RMC1: variants seen among roughly 807,000 people sequenced by gnomAD.
RMC1 encodes the protein regulator of MON1-CCZ1.
A neutral mutation model predicts 95.5 loss-of-function variants in RMC1; 44 were observed. The observed-to-expected ratio is 0.46, with a 90% confidence interval of 0.36 to 0.59. The LOEUF (loss-of-function observed/expected upper bound fraction) is 0.59. Ranked by LOEUF, RMC1 falls within the 20% of genes least tolerant of loss-of-function variation. RMC1 has a pLI of 0.00. For synonymous variants in RMC1, 320 were observed against 303.6 expected (o/e 1.05, Z -0.56); for missense variants, 705 against 819.6 (o/e 0.86, Z 1.71).
intron 11 of RMC1, 100 bp from the exon 12 acceptor site, chr18:23,524,329 G>T: frequency 6.7e-7 from 1 of 1,500,406 alleles, no homozygotes. Flanking sequence ...CGCGTTTAGC[G>T]TGGACTCAGT....
chr18:23,509,060 T>A, intron 4 of RMC1, 133 bp from the exon 5 acceptor site: 2 of 354,682 alleles, frequency 5.6e-6, no homozygotes. Flanking sequence ...AGAAAATTTG[T>A]TTTGTTAATT....
At chr18:23,523,580 T>G (rs1470760287) in intron 10 of RMC1, among the ~76,000 whole-genome samples, 1 of 135,778 alleles carries the variant, frequency 7.4e-6, no homozygotes. Context: ...GAAAAAAAGT[T>G]AGGGCATGGT....
At chr18:23,505,026 C>G (rs2057677968) in intron 2 of RMC1, among the ~76,000 whole-genome samples, 1 of 152,120 alleles carries the variant, frequency 6.6e-6, no homozygotes, top group Non-Finnish European at 1.5e-5. Flanking sequence ...TCAGTAGTGA[C>G]TTAAAAAATT....
At chr18:23,515,787 C>T in intron 5 of RMC1, 69 bp from the exon 6 acceptor site, 2 of 1,586,440 alleles carry the variant, frequency 1.3e-6, no homozygotes, top group South Asian at 2.2e-5. Flanking sequence ...CCCACCTTAG[C>T]CTCCCAAAGT....
At chr18:23,524,014 C>A in intron 10 of RMC1, 116 bp from the exon 11 acceptor site, 1 of 1,167,144 alleles carries the variant, frequency 8.6e-7, no homozygotes. Flanking sequence ...TCCTTGACTA[C>A]AATTGAATAA....
chr18:23,523,972 G>A (rs532625316), intron 10 of RMC1, among the ~76,000 whole-genome samples, 158 bp from the exon 11 acceptor site: 2 of 152,204 alleles, frequency 1.3e-5, no homozygotes, highest in African/African-American at 2.4e-5. Flanking sequence ...CTCCCCGTAC[G>A]TGCTTTCAGT....
Position 23,527,729 on chromosome 18 carries a change from C to T in RMC1, c.1190-66C>T, listed in dbSNP as rs551044428. 8.1e-6 allele frequency: 10 copies of T among 1,239,746 alleles called. 1 individual carries two copies. The highest frequency in any genetic ancestry group is 4.8e-5 in the South Asian group (4 of 83,618). The allele number at this position is 1,239,746 out of a possible 1,614,324, so 76.8% of individuals were successfully genotyped here. A position where few individuals can be genotyped will look rare whatever the true frequency, so the allele number is the denominator to read the frequency against. On this transcript the variant is annotated intron_variant, in intron 13 of 19. Coordinates refer to ENST00000269221, the MANE Select transcript of RMC1 (RefSeq NM_013326.5). ...TTGAGATTAGTTTTTATCATAGCAA[C>T]GTGTGGAAATTCTGAAGCTGACATG...
At chr18:23,522,352 A>G (rs2058164429) in intron 10 of RMC1, 1 of 152,150 alleles carries the variant, frequency 6.6e-6, no homozygotes, top group East Asian at 1.9e-4. Flanking sequence ...GAATTGGGGG[A>G]AAAAAACTAA....
chr18:23,516,188 A>G, intron 6 of RMC1, 132 bp from the exon 7 acceptor site: 4 of 1,319,386 alleles, frequency 3.0e-6, no homozygotes, highest in Non-Finnish European at 4.3e-6. Context: ...ACAGGCTGTG[A>G]GAGGACATGG....
At chr18:23,514,007 ACCTG>A (rs1315709049) in intron 5 of RMC1, among the ~76,000 whole-genome samples, 1 of 152,106 alleles carries the variant, frequency 6.6e-6, no homozygotes, top group African/African-American at 2.4e-5. Flanking sequence ...CCTTTGATGT[ACCTG>A]CCTGTTTCTT....
chr18:23,520,154 G>A (rs771965821), intron 9 of RMC1, 48 bp from the exon 10 acceptor site: 1 of 1,451,010 alleles, frequency 6.9e-7, no homozygotes, highest in Admixed American at 1.7e-5. Context: ...AAGCAACTGG[G>A]CAAACCATGA....
chr18:23,517,539 A>G (rs897306913), intron 7 of RMC1, among the ~76,000 whole-genome samples: 1 of 152,226 alleles, frequency 6.6e-6, no homozygotes, highest in African/African-American at 2.4e-5. Flanking sequence ...ACTAATAAAA[A>G]AGAACCCCTG....
chr18:23,511,436 G>A (rs775686934), intron 5 of RMC1, among the ~76,000 whole-genome samples: 2 of 152,124 alleles, frequency 1.3e-5, no homozygotes, highest in Non-Finnish European at 2.9e-5. Context: ...ATGAGTTTAC[G>A]TATGTAACAA....
chr18:23,518,996 G>C lies in RMC1; in HGVS notation c.743+17G>C. On this transcript the variant is annotated intron_variant, in intron 8 of 19. Coordinates refer to ENST00000269221, the MANE Select transcript of RMC1 (RefSeq NM_013326.5). The stretch of plus-strand genomic sequence containing the variant: ...TCTACCACGGTAGATTTCATGCTTT[G>C]TTTTCCCTCTCTCTCTGATTTTAAA... 1 of 1,613,850 alleles carries C rather than the reference G, an allele frequency of 6.2e-7. No homozygotes were observed. Among genetic ancestry groups the C allele is most frequent in the Non-Finnish European group, 8.5e-7 (1 of 1,179,774 alleles).
At chr18:23,527,562 T>C (rs1217585625) in intron 13 of RMC1, among the ~76,000 whole-genome samples, 1 of 150,158 alleles carries the variant, frequency 6.7e-6, no homozygotes, top group Non-Finnish European at 1.5e-5. Context: ...ATTATAGGCA[T>C]GTGCCACTGA....
chr18:23,524,574 CTT>C lies in RMC1; in HGVS notation c.1060+93_1060+94del, dbSNP rs1304777465. The C allele has an allele frequency of 3.3e-4, 433 of 1,313,698 alleles. 1 individual carries two copies. In the African/African-American group the frequency reaches 5.9e-3, roughly 18 times the overall value. 81.4% of individuals were successfully genotyped at this position (1,313,698 alleles called of 1,614,324 possible). A position where few individuals can be genotyped will look rare whatever the true frequency, so the allele number is the denominator to read the frequency against. On this transcript the variant is annotated intron_variant, in intron 12 of 19. Transcript: ENST00000269221. ...CCAGGGACGTTTTCAAGGTGAATCT[CTT>C]AGAAATGACCCCTCCTTTCAAGCGT...
intron 14 of RMC1, chr18:23,528,957 G>A (rs753592675): frequency 1.5e-5 from 8 of 539,532 alleles, no homozygotes; most frequent in Admixed American, 3.8e-5. Context: ...TTGGCTCACC[G>A]CAACCTCTGC....
intron 2 of RMC1, 199 bp from the exon 3 acceptor site, chr18:23,506,771 G>C: frequency 4.3e-6 from 2 of 470,394 alleles, no homozygotes; most frequent in South Asian, 4.3e-5. Flanking sequence ...CCATAATACT[G>C]TAAGTTTCCC....
chr18:23,506,295 A>G (rs2057715308), intron 2 of RMC1: 1 of 152,236 alleles, frequency 6.6e-6, no homozygotes, highest in Admixed American at 6.6e-5. Context: ...AACCATCACC[A>G]CAATCAAGGC....
Sources: allele counts gnomAD v4.1 joint callset (sites outside exome capture counted in the v4.1 genomes callset), GRCh38; gene constraint gnomAD v4.1.1; transcripts MANE v1.5; gene names NCBI Gene and HGNC (gene_info 2026-07-23, HGNC 2026-07-21).